Variants in SPIRE1 observed in about 807,000 individuals in gnomAD.
SPIRE1 encodes protein spire homolog 1.
Under a neutral mutation model 94.1 loss-of-function variants are expected in SPIRE1, and 40 were observed. The observed-to-expected ratio is 0.43, with a 90% confidence interval of 0.33 to 0.55. The LOEUF (loss-of-function observed/expected upper bound fraction) is 0.55, where lower values mean the gene tolerates loss of function less well. Among genes scored for constraint, SPIRE1 ranks in the 20% least tolerant of loss-of-function variants. The pLI is 0.06. For synonymous variants in SPIRE1, 376 were observed against 371.7 expected (o/e 1.01, Z -0.13); for missense variants, 838 against 975.2 (o/e 0.86, Z 1.87).
At chr18:12,571,284 A>C (rs2035954017) in intron 2 of SPIRE1, among the ~76,000 whole-genome samples, 1 of 152,132 alleles carries the variant, frequency 6.6e-6, no homozygotes, top group South Asian at 2.1e-4. Flanking sequence ...TATGTTGGCT[A>C]GGCTGGTCTC....
At chr18:12,607,005 TATCTAGGAAGTC>T (rs2036997285) in intron 2 of SPIRE1, among the ~76,000 whole-genome samples, 1 of 152,220 alleles carries the variant, frequency 6.6e-6, no homozygotes, top group Non-Finnish European at 1.5e-5. Flanking sequence ...ATATTTCAAT[TATCTAGGAAGTC>T]ATCTGATGCA....
At chr18:12,458,330 G>C (rs1446741529) in intron 12 of SPIRE1, among the ~76,000 whole-genome samples, 1 of 151,564 alleles carries the variant, frequency 6.6e-6, no homozygotes, top group Non-Finnish European at 1.5e-5. Flanking sequence ...TCAAAGTGAA[G>C]GCCAGGCGCA....
At chr18:12,570,672 G>A (rs1020290907) in intron 2 of SPIRE1, among the ~76,000 whole-genome samples, 1 of 152,234 alleles carries the variant, frequency 6.6e-6, no homozygotes, top group East Asian at 1.9e-4. Context: ...AGCCAGGCTG[G>A]AGTCCTCCTC....
At chr18:12,549,439 GTTTTTTTTTTTTTTTTTTT>G (rs869122444) in intron 2 of SPIRE1, among the ~76,000 whole-genome samples, 3 of 41,248 alleles carry the variant, frequency 7.3e-5, no homozygotes, top group South Asian at 1.7e-3. Context: ...TGTTATTGTT[GTTTTTTTTTTTTTTTTTTT>G]TTTTTTTTTT....
intron 4 of SPIRE1, among the ~76,000 whole-genome samples, chr18:12,529,364 G>A (rs1329221171): frequency 1.4e-5 from 2 of 141,498 alleles, no homozygotes; most frequent in Admixed American, 7.1e-5. Context: ...GCAAGACTCC[G>A]TCTCAAAAAA....
chr18:12,660,987 C>G (rs2038685810), upstream of SPIRE1, among the ~76,000 whole-genome samples: 2 of 152,210 alleles, frequency 1.3e-5, no homozygotes, highest in Non-Finnish European at 2.9e-5. Context: ...TTACTAACTT[C>G]TAAATGATTT....
rs148696438 is a variant in SPIRE1, at chr18:12,586,237, A to C, written c.373-39333T>G. 3.6e-3 allele frequency among the ~76,000 whole-genome samples: 553 copies of C among 152,344 alleles called. 1 individual carries two copies. The highest frequency in any genetic ancestry group is 6.0e-3 in the Non-Finnish European group (406 of 68,036). ...CCAAAGTGCTGGGATTACAGGCATG[A>C]GCCTCTATATCTGGCCTCTTTCATA... is the stretch of plus-strand genomic sequence containing the variant. On this transcript the variant is annotated intron_variant, in intron 2 of 16. Transcript: ENST00000409402.
intron 10 of SPIRE1, among the ~76,000 whole-genome samples, chr18:12,477,373 A>G (rs1293881072): frequency 6.6e-6 from 1 of 152,200 alleles, no homozygotes; most frequent in Non-Finnish European, 1.5e-5. Context: ...TAATTTTAAT[A>G]TAACTTAAAT....
intron 4 of SPIRE1, among the ~76,000 whole-genome samples, chr18:12,519,894 T>G (rs988074136): frequency 6.6e-6 from 1 of 152,246 alleles, no homozygotes; most frequent in African/African-American, 2.4e-5. Flanking sequence ...ATAAAAATTA[T>G]AAATGCACAT....
chr18:12,556,405 A>C (rs1006418613), intron 2 of SPIRE1, among the ~76,000 whole-genome samples: 2 of 152,258 alleles, frequency 1.3e-5, no homozygotes, highest in Non-Finnish European at 1.5e-5. Flanking sequence ...ACTTTAAATA[A>C]TACTACAAAT....
chr18:12,506,623 C>T lies in SPIRE1; in HGVS notation c.826G>A (p.Val276Met). 1 of 1,614,114 alleles carries T rather than the reference C, an allele frequency of 6.2e-7. No individual in the cohort carries two copies. Among genetic ancestry groups the T allele is most frequent in the Non-Finnish European group, 8.5e-7 (1 of 1,180,004 alleles). The change falls in exon 6 of 17, where the codon GTG (valine) becomes ATG (methionine). Residue 276 changes from valine (V) to methionine (M), a missense_variant. Transcript: ENST00000409402. ...ACCCCATTCCTCAAATCCCTCATCA[C>T]CTGTACCCAGAATCGTGCCTGAAAG... Reference protein sequence around the residue: ...NADWARFWVQVMRDLRNGVKL... With the variant: ...NADWARFWVQMMRDLRNGVKL...
At chr18:12,541,734 G>A (rs2035019925) in intron 3 of SPIRE1, among the ~76,000 whole-genome samples, 3 of 151,796 alleles carry the variant, frequency 2.0e-5, no homozygotes, top group Admixed American at 2.0e-4. Flanking sequence ...ATTGGATTTT[G>A]TATTTTTAAT....
At chr18:12,641,609 C>T (rs1481203274) in intron 1 of SPIRE1, among the ~76,000 whole-genome samples, 3 of 151,740 alleles carry the variant, frequency 2.0e-5, no homozygotes, top group Non-Finnish European at 4.4e-5. Context: ...CCTCATGATC[C>T]GCCCACCTCA....
Position 12,552,554 on chromosome 18 carries a change from T to A in SPIRE1, c.373-5650A>T, listed in dbSNP as rs184220157. ...TAAAAACTAAAAGGCAGAAATGAAA[T>A]CCACAAGCAGACAGCCCGGCACCAC... On this transcript the variant is annotated intron_variant, in intron 2 of 16. Transcript: ENST00000409402. 4.5e-4 allele frequency among the ~76,000 whole-genome samples: 69 copies of A among 151,948 alleles called. 1 individual carries two copies. Among genetic ancestry groups the A allele is most frequent in the Non-Finnish European group, 1.0e-4 (7 of 67,972 alleles).
chr18:12,608,145 G>A (rs1171904553), intron 2 of SPIRE1, among the ~76,000 whole-genome samples: 8 of 130,602 alleles, frequency 6.1e-5, no homozygotes, highest in East Asian at 2.1e-4. Context: ...GTGACAGAGC[G>A]AGACTCCATC....
chr18:12,607,719 TA>T (rs1340786607), intron 2 of SPIRE1, among the ~76,000 whole-genome samples: 1 of 151,860 alleles, frequency 6.6e-6, no homozygotes, highest in Non-Finnish European at 1.5e-5. Flanking sequence ...AAAGAAAAGT[TA>T]AAGACTTACC....
At chr18:12,457,510 C>T (rs191891044) in intron 12 of SPIRE1, among the ~76,000 whole-genome samples, 18 of 152,282 alleles carry the variant, frequency 1.2e-4, no homozygotes, top group Admixed American at 5.2e-4. Flanking sequence ...GTGTTCGGCC[C>T]GTTTGAGTGG....
intron 2 of SPIRE1, among the ~76,000 whole-genome samples, chr18:12,571,878 A>G (rs955769743): frequency 2.0e-5 from 3 of 152,334 alleles, no homozygotes; most frequent in Admixed American, 1.3e-4. Flanking sequence ...ACTTGGGGAA[A>G]ACAGATAATA....
rs1044023760 is a variant in SPIRE1 at position 12,621,012 on chromosome 18, G to A, written c.372+14050C>T. Among the ~76,000 whole-genome samples the A allele has an allele frequency of 3.3e-5, 5 of 152,156 alleles. 1 individual carries two copies. Among genetic ancestry groups the A allele is most frequent in the Admixed American group, 3.3e-4 (5 of 15,270 alleles). ...CAAGGCTGCAGTGAGCTGTGATTGT[G>A]CCACTGCACTCTAGCCTGGTGAGAG... On this transcript the variant is annotated intron_variant, in intron 2 of 16. Coordinates refer to ENST00000409402, the MANE Select transcript of SPIRE1 (RefSeq NM_001128626.2).
Sources: gnomAD v4.1 joint callset for allele counts (sites outside exome capture counted in the v4.1 genomes callset) on GRCh38, gnomAD v4.1.1 for gene constraint, MANE v1.5 for transcripts, NCBI Gene and HGNC (gene_info 2026-07-23, HGNC 2026-07-21) for gene names.